Variants in KPNA4 observed in about 807,000 individuals in gnomAD.
KPNA4 encodes importin subunit alpha-3.
In KPNA4, 13 loss-of-function variants were observed where a neutral mutation model predicts 71.3. The observed-to-expected ratio is 0.18, with a 90% CI of 0.12 to 0.29. The LOEUF is 0.29. KPNA4 is among the 10% of genes least tolerant of loss of function. KPNA4 has a pLI of 1.00. For synonymous variants in KPNA4, 189 were observed against 195.2 expected (o/e 0.97, Z 0.26); for missense variants, 334 against 603.2 (o/e 0.55, Z 4.67).
At chr3:160,559,813 T>A (rs765965346) in intron 1 of KPNA4, among the ~76,000 whole-genome samples, 1 of 152,160 alleles carries the variant, frequency 6.6e-6, no homozygotes, top group Non-Finnish European at 1.5e-5. Context: ...AGAATTCAGC[T>A]GTCTTAAGCC....
chr3:160,538,000 T>A (rs1461635383), intron 1 of KPNA4, among the ~76,000 whole-genome samples: 1 of 151,964 alleles, frequency 6.6e-6, no homozygotes, highest in Non-Finnish European at 1.5e-5. Flanking sequence ...ACCAGAGTAA[T>A]CCTCATAGGA....
chr3:160,559,947 G>A (rs1016793602), intron 1 of KPNA4, among the ~76,000 whole-genome samples: 2 of 151,966 alleles, frequency 1.3e-5, no homozygotes, highest in Admixed American at 1.3e-4. Context: ...CACAGAAAAA[G>A]GAAGAACTCC....
intron 13 of KPNA4, 31 bp from the exon 14 acceptor site, chr3:160,509,902 A>C (rs1721057280): frequency 6.9e-7 from 1 of 1,445,554 alleles, no homozygotes; most frequent in Middle Eastern, 1.8e-4. Flanking sequence ...GGCTATAAAA[A>C]TTGCCACATA....
At chr3:160,548,826 A>G (rs972492683) in intron 1 of KPNA4, among the ~76,000 whole-genome samples, 2 of 152,214 alleles carry the variant, frequency 1.3e-5, no homozygotes, top group African/African-American at 4.8e-5. Context: ...TTGCTGGGTC[A>G]TATAATAATT....
intron 1 of KPNA4, among the ~76,000 whole-genome samples, chr3:160,562,615 A>G (rs530920086): frequency 6.6e-6 from 1 of 152,356 alleles, no homozygotes; most frequent in African/African-American, 2.4e-5. Flanking sequence ...GAATGTTTCT[A>G]TCTCATTACA....
intron 1 of KPNA4, among the ~76,000 whole-genome samples, chr3:160,554,942 G>C (rs1722107925): frequency 6.6e-6 from 1 of 152,186 alleles, no homozygotes; most frequent in Non-Finnish European, 1.5e-5. Context: ...ATTCCAGCAA[G>C]CTAATTGAAC....
At chr3:160,546,899 A>C (rs568244970) in intron 1 of KPNA4, among the ~76,000 whole-genome samples, 3 of 152,274 alleles carry the variant, frequency 2.0e-5, no homozygotes, top group East Asian at 3.9e-4. Context: ...CAAAACATTA[A>C]ATTTTCTCAA....
At chr3:160,551,111 G>A (rs1722032967) in intron 1 of KPNA4, among the ~76,000 whole-genome samples, 1 of 152,156 alleles carries the variant, frequency 6.6e-6, no homozygotes, top group Non-Finnish European at 1.5e-5. Flanking sequence ...TGAAGCCAAT[G>A]ATCCTGGGCT....
intron 1 of KPNA4, among the ~76,000 whole-genome samples, chr3:160,540,627 A>G (rs565362066): frequency 2.0e-5 from 3 of 152,348 alleles, no homozygotes; most frequent in East Asian, 1.9e-4. Context: ...TGAAAGGGAT[A>G]TATAAGACTT....
At chr3:160,504,656 T>C (rs1720948049) in intron 16 of KPNA4, among the ~76,000 whole-genome samples, 1 of 152,182 alleles carries the variant, frequency 6.6e-6, no homozygotes, top group Non-Finnish European at 1.5e-5. Context: ...TTTATAAATA[T>C]GGTATGCTAT....
chr3:160,560,116 T>A (rs1213528216), intron 1 of KPNA4, among the ~76,000 whole-genome samples: 2 of 152,130 alleles, frequency 1.3e-5, no homozygotes, highest in African/African-American at 2.4e-5. Context: ...CTATGCTCAG[T>A]GCTTTCACAT....
intron 11 of KPNA4, among the ~76,000 whole-genome samples, chr3:160,520,072 C>CATTA (rs1264880151): frequency 6.6e-6 from 1 of 151,994 alleles, no homozygotes; most frequent in East Asian, 1.9e-4. Context: ...CCTACAGATC[C>CATTA]TTAATGAAGT....
chr3:160,565,161 G>A (rs1461051816), intron 1 of KPNA4, 53 bp downstream of exon 1: 2 of 1,462,552 alleles, frequency 1.4e-6, no homozygotes, highest in Non-Finnish European at 1.9e-6. Flanking sequence ...TCCCGGCGGA[G>A]ACCGGCCCCA....
rs41272963 is a variant in KPNA4 at position 160,527,944 on chromosome 3, T to A, written c.556+9A>T. On this transcript the variant is annotated intron_variant, in intron 8 of 16. Coordinates refer to ENST00000334256, the MANE Select transcript of KPNA4 (RefSeq NM_002268.5). The stretch of plus-strand genomic sequence containing the variant: ...ATTTTTAGACTAGTATTACAAGTTT[T>A]ATACAAACCTATGATATTTCCCAAT... The A allele has an allele frequency of 5.6e-3, 8,914 of 1,600,856 alleles. 38 individuals carry two copies. The highest frequency in any genetic ancestry group is 6.5e-3 in the Non-Finnish European group (7,612 of 1,169,246).
chr3:160,565,286 CG>C lies in KPNA4; in HGVS notation c.-5del. On this transcript the variant is annotated 5_prime_UTR_variant, in exon 1 of 17. Coordinates refer to ENST00000334256, the MANE Select transcript of KPNA4 (RefSeq NM_002268.5). ...CCAGTTTCTCGTTGTCCGCCATGGC[CG>C]GGCCGGTGACTCCTTCCCCCGCCCG... is the stretch of plus-strand genomic sequence containing the variant. 6.3e-7 allele frequency: 1 copy of C among 1,597,966 alleles called. No individual in the cohort carries two copies. Among genetic ancestry groups the C allele is most frequent in the Non-Finnish European group, 8.5e-7 (1 of 1,172,586 alleles).
chr3:160,499,936 A>G lies in KPNA4; in HGVS notation c.*2168T>C, dbSNP rs1720843206. The stretch of plus-strand genomic sequence containing the variant: ...GGTCTGTTTTACTGGAGAATGAAGG[A>G]AAGTTAAAACCTTGCTTTGGATAGA... On this transcript the variant is annotated 3_prime_UTR_variant, in exon 17 of 17. Coordinates refer to ENST00000334256, the MANE Select transcript of KPNA4 (RefSeq NM_002268.5). 1 of 152,138 alleles carries G rather than the reference A, an allele frequency of 6.6e-6. No homozygotes were observed. Among genetic ancestry groups the G allele is most frequent in the African/African-American group, 2.4e-5 (1 of 41,422 alleles). The allele number at this position is 152,138 out of a possible 1,614,324, so 9.4% of individuals were successfully genotyped here.
intron 1 of KPNA4, among the ~76,000 whole-genome samples, chr3:160,547,130 T>G (rs1362099463): frequency 1.3e-5 from 2 of 152,248 alleles, no homozygotes; most frequent in Non-Finnish European, 2.9e-5. Flanking sequence ...AGTCCAACTA[T>G]GAAATGTCAA....
At chr3:160,512,121 G>C (rs1337720436) in intron 13 of KPNA4, among the ~76,000 whole-genome samples, 1 of 151,972 alleles carries the variant, frequency 6.6e-6, no homozygotes, top group Non-Finnish European at 1.5e-5. Flanking sequence ...TTATAACAAT[G>C]ATCACCTTTA....
intron 1 of KPNA4, among the ~76,000 whole-genome samples, chr3:160,551,941 G>GGGC (rs1553788365): frequency 1.1e-5 from 1 of 89,532 alleles, no homozygotes; most frequent in Non-Finnish European, 2.0e-5. Flanking sequence ...GTCACAACTG[G>GGGC]GGGGGGGGGG....
Sources: allele counts gnomAD v4.1 joint callset (sites outside exome capture counted in the v4.1 genomes callset), GRCh38; gene constraint gnomAD v4.1.1; transcripts MANE v1.5; gene names NCBI Gene and HGNC (gene_info 2026-07-23, HGNC 2026-07-21).